Variants in MS4A18 observed in about 807,000 individuals in gnomAD.
MS4A18 encodes membrane-spanning 4-domains subfamily A member 18.
In MS4A18, 27 loss-of-function variants were observed where a neutral mutation model predicts 13.1. The observed-to-expected ratio is 2.06, with a 90% confidence interval of 1.52 to 2.84. MS4A18 has a LOEUF of 2.84. Among genes scored for constraint, MS4A18 ranks in the 30% most tolerant of loss-of-function variants. The pLI is 0.00. For synonymous variants in MS4A18, 126 were observed against 76.5 expected (o/e 1.65, Z -3.38); for missense variants, 307 against 196.4 (o/e 1.56, Z -3.37).
chr11:60,733,498 G>T (rs1853286476), intron 1 of MS4A18, 36 bp from the exon 3 acceptor site: 1 of 703,114 alleles, frequency 1.4e-6, no homozygotes, highest in Admixed American at 2.0e-5. Context: ...CAGGCCCGCA[G>T]TTCTGCTCTC....
intron 2 of MS4A18, among the ~76,000 whole-genome samples, 184 bp downstream of exon 3, chr11:60,733,831 C>T (rs1590962967): frequency 1.3e-5 from 2 of 151,362 alleles, no homozygotes; most frequent in Non-Finnish European, 2.9e-5. Flanking sequence ...CTCCCTCCCA[C>T]CACCACCCTC....
At chr11:60,740,857 A>G (rs977562586) in intron 4 of MS4A18, among the ~76,000 whole-genome samples, 173 bp from the exon 6 acceptor site, 9 of 152,178 alleles carry the variant, frequency 5.9e-5, no homozygotes, top group African/African-American at 2.2e-4. Flanking sequence ...CCAGTGACTA[A>G]GAGGGTAAGG....
chr11:60,742,968 C>A (rs1011678682), intron 5 of MS4A18, among the ~76,000 whole-genome samples: 1 of 152,210 alleles, frequency 6.6e-6, no homozygotes, highest in African/African-American at 2.4e-5. Context: ...GAAATCATTT[C>A]TCCAGTCTGC....
chr11:60,727,477 C>T (rs541148019), upstream of MS4A18, among the ~76,000 whole-genome samples: 7 of 152,146 alleles, frequency 4.6e-5, no homozygotes, highest in East Asian at 1.9e-4. Context: ...ACTTTATAGA[C>T]GATTAATATT....
chr11:60,732,824 C>A (rs1853277186), intron 1 of MS4A18, among the ~76,000 whole-genome samples: 1 of 152,028 alleles, frequency 6.6e-6, no homozygotes, highest in African/African-American at 2.4e-5. Context: ...CACAGCCCTG[C>A]AAGCTGGATA....
In MS4A18 at chr11:60,738,998, G is replaced by A. The variant is rs1853381116; in HGVS notation, c.744+1G>A. On this transcript the variant is annotated splice_donor_variant, in intron 4 of 5. Transcript: ENST00000529108. LOFTEE classifies it high-confidence loss of function. ...AGATCTGAGCCTTTACTATGTGACG[G>A]TGAGCATCTGACTGCCAGGGCCCCG... 1 of 702,998 alleles carries A rather than the reference G, an allele frequency of 1.4e-6. No individual in the cohort carries two copies. Among genetic ancestry groups the A allele is most frequent in the Non-Finnish European group, 2.6e-6 (1 of 384,984 alleles). 43.5% of individuals were successfully genotyped at this position (702,998 alleles called of 1,614,324 possible).
chr11:60,726,522 C>T (rs1355206530), upstream of MS4A18, among the ~76,000 whole-genome samples: 1 of 152,024 alleles, frequency 6.6e-6, no homozygotes, highest in African/African-American at 2.4e-5. Context: ...GATCCTTGCC[C>T]CTGGACTTTC....
At chr11:60,737,130 G>T (rs1853354674) in intron 3 of MS4A18, 96 bp downstream of exon 4, 4 of 690,188 alleles carry the variant, frequency 5.8e-6, no homozygotes, top group Non-Finnish European at 1.1e-5. Context: ...GGTGTGGCCT[G>T]GCCCTGGCCC....
At chr11:60,727,937 C>G (rs978360188), upstream of MS4A18, among the ~76,000 whole-genome samples, 1 of 152,166 alleles carries the variant, frequency 6.6e-6, no homozygotes, top group Non-Finnish European at 1.5e-5. Flanking sequence ...AGGTCTCCCC[C>G]CAAGTGATTC....
chr11:60,727,476 A>G (rs950168402), upstream of MS4A18, among the ~76,000 whole-genome samples: 11 of 152,218 alleles, frequency 7.2e-5, no homozygotes, highest in Non-Finnish European at 1.2e-4. Context: ...TACTTTATAG[A>G]CGATTAATAT....
intron 1 of MS4A18, among the ~76,000 whole-genome samples, 172 bp downstream of exon 2, chr11:60,729,958 C>T (rs753387340): frequency 7.9e-5 from 12 of 152,106 alleles, no homozygotes; most frequent in Admixed American, 1.3e-4. Flanking sequence ...GGCCCCTCTC[C>T]CTTGTCTTCC....
chr11:60,727,111 A>C (rs966168591), upstream of MS4A18, among the ~76,000 whole-genome samples: 2 of 152,136 alleles, frequency 1.3e-5, no homozygotes, highest in Non-Finnish European at 2.9e-5. Context: ...TTATGGCTGC[A>C]TAGTATTCCA....
intron 5 of MS4A18, 24 bp from the exon 7 acceptor site, chr11:60,743,626 G>A (rs561835085): frequency 2.3e-5 from 16 of 697,824 alleles, no homozygotes; most frequent in Non-Finnish European, 3.4e-5. Flanking sequence ...GGAAGATGAC[G>A]ACCACATGTC....
intron 1 of MS4A18, 28 bp downstream of exon 2, chr11:60,729,814 T>C (rs1212310782): frequency 3.0e-6 from 2 of 672,060 alleles, no homozygotes; most frequent in Admixed American, 4.1e-5. Context: ...TTCTCTCCGA[T>C]TTGGGTCACT....
chr11:60,727,393 TA>T (rs1853182970), upstream of MS4A18, among the ~76,000 whole-genome samples: 1 of 152,216 alleles, frequency 6.6e-6, no homozygotes, highest in African/African-American at 2.4e-5. Context: ...GTACAACTAA[TA>T]AATGAAGGAA....
chr11:60,727,999 A>G (rs1358458163), upstream of MS4A18, among the ~76,000 whole-genome samples: 3 of 152,188 alleles, frequency 2.0e-5, no homozygotes, highest in African/African-American at 7.2e-5. Context: ...GCAGGCTATT[A>G]AGGGTTTGAT....
At chr11:60,725,377 G>A (rs939978997), upstream of MS4A18, among the ~76,000 whole-genome samples, 1 of 152,072 alleles carries the variant, frequency 6.6e-6, no homozygotes, top group Non-Finnish European at 1.5e-5. Flanking sequence ...GTATTTTTTA[G>A]TAGAGACAGG....
exon 3 of MS4A18, chr11:60,737,031 T>C (rs1389183057): frequency 4.3e-6 from 3 of 702,784 alleles, no homozygotes; most frequent in African/African-American, 3.5e-5. Flanking sequence ...CCAGTCCTTG[T>C]GTGGTAAGTC....
intron 1 of MS4A18, among the ~76,000 whole-genome samples, chr11:60,732,183 G>A (rs944517041): frequency 6.6e-6 from 1 of 152,102 alleles, no homozygotes; most frequent in African/African-American, 2.4e-5. Context: ...GGGGGCTCAG[G>A]AAAAGAATCT....
Sources: gnomAD v4.1 joint callset for allele counts (sites outside exome capture counted in the v4.1 genomes callset) on GRCh38, gnomAD v4.1.1 for gene constraint, MANE v1.5 for transcripts, NCBI Gene and HGNC (gene_info 2026-07-23, HGNC 2026-07-21) for gene names.